ROBO2: variants seen among roughly 807,000 people sequenced by gnomAD.
ROBO2 encodes the protein roundabout guidance receptor 2.
A neutral mutation model predicts 160.8 loss-of-function variants in ROBO2; 53 were observed. The observed-to-expected ratio is 0.33, with a 90% CI of 0.26 to 0.41. The LOEUF (loss-of-function observed/expected upper bound fraction) is 0.41. ROBO2 is among the 10% of genes least tolerant of loss of function. The pLI is 1.00. For synonymous variants in ROBO2, 664 were observed against 611.7 expected (o/e 1.09, Z -1.26); for missense variants, 1,577 against 1,722.4 (o/e 0.92, Z 1.49).
chr3:76,146,245 C>T (rs551559247), intron 2 of ROBO2, among the ~76,000 whole-genome samples: 2 of 151,930 alleles, frequency 1.3e-5, no homozygotes, highest in Non-Finnish European at 2.9e-5. Context: ...ATTTTAAATT[C>T]TTTATCACAT....
intron 19 of ROBO2, among the ~76,000 whole-genome samples, chr3:77,598,701 T>C (rs2094366570): frequency 6.6e-6 from 1 of 151,856 alleles, no homozygotes; most frequent in Admixed American, 6.6e-5. Flanking sequence ...AGTGGCTTCC[T>C]CCCCTAAGTG....
chr3:76,896,569 C>T (rs1276707518), intron 2 of ROBO2, among the ~76,000 whole-genome samples: 2 of 151,952 alleles, frequency 1.3e-5, no homozygotes, highest in Admixed American at 6.6e-5. Context: ...TATTTAAATG[C>T]TATTATCCTC....
At chr3:76,788,020 G>T (rs2063104822) in intron 2 of ROBO2, among the ~76,000 whole-genome samples, 1 of 150,366 alleles carries the variant, frequency 6.7e-6, no homozygotes, top group African/African-American at 2.4e-5. Flanking sequence ...AGTCCAAATA[G>T]AAAACAGAAT....
At chr3:77,410,618 CTTCTCCTCCTCTTCCTCCTGCTCCTCT>C in intron 2 of ROBO2, among the ~76,000 whole-genome samples, 1 of 51,328 alleles carries the variant, frequency 1.9e-5, no homozygotes, top group Non-Finnish European at 4.5e-5. Context: ...CTTCCTCCTT[CTTCTCCTCCTCTTCCTCCTGCTCCTCT>C]TTCTCCTCCT....
At chr3:77,037,748 C>T (rs1460900696), upstream of ROBO2, among the ~76,000 whole-genome samples, 2 of 152,110 alleles carry the variant, frequency 1.3e-5, no homozygotes, top group Non-Finnish European at 2.9e-5. Flanking sequence ...AAAATAGAAT[C>T]TATATTTTGC....
exon 2 of ROBO2, chr3:77,098,170 C>A: frequency 6.2e-7 from 1 of 1,614,140 alleles, no homozygotes; most frequent in Admixed American, 1.7e-5. Context: ...CGAGTGGAGA[C>A]TGACAAGGAC....
At chr3:76,130,839 TACA>T (rs1483183720) in intron 2 of ROBO2, among the ~76,000 whole-genome samples, 2 of 152,184 alleles carry the variant, frequency 1.3e-5, no homozygotes, top group Non-Finnish European at 2.9e-5. Flanking sequence ...CACTGTTGAA[TACA>T]GTTCTATTTT....
chr3:76,681,356 C>T (rs999614668), intron 2 of ROBO2, among the ~76,000 whole-genome samples: 1 of 152,184 alleles, frequency 6.6e-6, no homozygotes, highest in African/African-American at 2.4e-5. Flanking sequence ...TACCATACAG[C>T]AGCTATTGCA....
chr3:77,336,514 CTTT>C (rs532539144), intron 2 of ROBO2, among the ~76,000 whole-genome samples: 1 of 145,876 alleles, frequency 6.9e-6, no homozygotes, highest in South Asian at 2.2e-4. Context: ...CTTCCTCTTT[CTTT>C]TTTTTTTTCT....
chr3:76,281,228 G>A (rs976100297), intron 2 of ROBO2, among the ~76,000 whole-genome samples: 2 of 151,728 alleles, frequency 1.3e-5, no homozygotes, highest in Admixed American at 6.6e-5. Flanking sequence ...CCACATGTGG[G>A]AAACACCAAG....
intron 2 of ROBO2, among the ~76,000 whole-genome samples, chr3:76,555,358 G>GGAAGAAGAAGAAGAAGAAGAAGAAGAAGA (rs1201244951): frequency 3.8e-4 from 22 of 57,980 alleles, no homozygotes; most frequent in African/African-American, 9.9e-4. Context: ...AGTAGGAAGA[G>GGAAGAAGAAGAAGAAGAAGAAGAAGAAGA]AGAAGAAGAA....
intron 2 of ROBO2, among the ~76,000 whole-genome samples, chr3:76,724,700 T>C (rs2093520192): frequency 6.6e-6 from 1 of 152,128 alleles, no homozygotes; most frequent in African/African-American, 2.4e-5. Context: ...GTAGGCTGAG[T>C]AATGGCCCCA....
chr3:76,560,047 A>G (rs1284351910), intron 2 of ROBO2, among the ~76,000 whole-genome samples: 1 of 152,080 alleles, frequency 6.6e-6, no homozygotes, highest in Non-Finnish European at 1.5e-5. Context: ...TCTCTATAAG[A>G]GCTACATAAC....
intron 2 of ROBO2, among the ~76,000 whole-genome samples, chr3:76,268,137 G>A (rs1707208556): frequency 6.6e-6 from 1 of 152,148 alleles, no homozygotes; most frequent in Admixed American, 6.6e-5. Context: ...AAGGAAGGTG[G>A]TGTGTGCCTG....
intron 5 of ROBO2, among the ~76,000 whole-genome samples, chr3:77,494,672 C>T: frequency 6.6e-6 from 1 of 152,198 alleles, no homozygotes; most frequent in East Asian, 1.9e-4. Context: ...AAGCTGTATA[C>T]CTTTTATGTG....
At chr3:77,200,610 C>T (rs1282222855) in intron 2 of ROBO2, among the ~76,000 whole-genome samples, 1 of 151,824 alleles carries the variant, frequency 6.6e-6, no homozygotes, top group Non-Finnish European at 1.5e-5. Flanking sequence ...ACAGGCAGAC[C>T]AGCTGTTCTT....
intron 2 of ROBO2, among the ~76,000 whole-genome samples, chr3:76,908,091 C>T (rs1318653916): frequency 3.9e-5 from 6 of 152,054 alleles, no homozygotes; most frequent in African/African-American, 1.2e-4. Context: ...CTGCCCGCCT[C>T]GGCTTCCCAA....
intron 2 of ROBO2, among the ~76,000 whole-genome samples, chr3:77,003,037 C>G (rs994451414): frequency 6.6e-6 from 1 of 152,010 alleles, no homozygotes; most frequent in Non-Finnish European, 1.5e-5. Context: ...ATCTCTTGAG[C>G]GTTTTGATTA....
At chr3:77,316,892 TC>T (rs2064048815) in intron 2 of ROBO2, 6 of 1,179,108 alleles carry the variant, frequency 5.1e-6, no homozygotes, top group Admixed American at 1.7e-5. Flanking sequence ...CTGGAGTTGT[TC>T]ACTTTAGTGG....
Sources: allele counts gnomAD v4.1 joint callset (sites outside exome capture counted in the v4.1 genomes callset), GRCh38; gene constraint gnomAD v4.1.1; transcripts MANE v1.5; gene names NCBI Gene and HGNC (gene_info 2026-07-23, HGNC 2026-07-21).